MAD1L1: variants seen among roughly 807,000 people sequenced by gnomAD.
The protein encoded by MAD1L1 is mitotic spindle assembly checkpoint protein MAD1.
MAD1L1 carries 95 observed loss-of-function variants against 96.9 expected under a neutral mutation model. The ratio of observed to expected loss-of-function variants is 0.98; its 90% CI spans 0.83 to 1.16. MAD1L1 has a LOEUF of 1.16. MAD1L1 is among the 50% of genes most tolerant of loss of function. The pLI is 0.00. For missense variants in MAD1L1, 1,007 were observed against 954.4 expected, an observed-to-expected ratio of 1.06 and a Z score of -0.73; for synonymous variants, 473 against 396.6, an observed-to-expected ratio of 1.19 and a Z score of -2.29.
intron 18 of MAD1L1, among the ~76,000 whole-genome samples, chr7:1,862,981 CAT>C (rs1784602566): frequency 6.6e-6 from 1 of 152,242 alleles, no homozygotes; most frequent in Non-Finnish European, 1.5e-5. Context: ...ACAAGTCCCA[CAT>C]GTGTTGGGGA....
At position 2,045,995 on chromosome 7, in the gene MAD1L1, C is replaced by T. The variant is rs192197624; in HGVS notation, c.1218+23199G>A. Among the ~76,000 whole-genome samples, 18 of 152,282 alleles carry T rather than the reference C, an allele frequency of 1.2e-4. No individual in the cohort carries two copies. In the East Asian group the frequency reaches 2.3e-3, roughly 20 times the overall value. On this transcript the variant is annotated intron_variant, in intron 12 of 18. Transcript: ENST00000265854. ...CCTGAGGGCCTGCCCATGACAGAGG[C>T]GGCAGTGGAGGCCCTGTAAGGGAAG...
chr7:1,878,679 A>C lies in MAD1L1; in HGVS notation c.1998+19521T>G, dbSNP rs978490507. ...AAAACTCATATTTAACAGCATACTA[A>C]TGTCAAAATACTGGATGCTTTCTCG... is the stretch of plus-strand genomic sequence containing the variant. On this transcript the variant is annotated intron_variant, in intron 18 of 18. Transcript: ENST00000265854. Among the ~76,000 whole-genome samples, 11 of 152,002 alleles carry C rather than the reference A, an allele frequency of 7.2e-5. No homozygotes were observed. The South Asian group carries it at 2.3e-3, about 32-fold the overall frequency.
chr7:1,962,536 T>A (rs566703771), intron 15 of MAD1L1, among the ~76,000 whole-genome samples: 1 of 152,048 alleles, frequency 6.6e-6, no homozygotes, highest in Non-Finnish European at 1.5e-5. Context: ...TGGGAGAAAA[T>A]ATTTGGAAAG....
intron 18 of MAD1L1, among the ~76,000 whole-genome samples, chr7:1,831,143 T>C (rs1394428201): frequency 1.3e-5 from 2 of 152,270 alleles, no homozygotes; most frequent in Non-Finnish European, 2.9e-5. Flanking sequence ...CTGCATTTTT[T>C]ACAAGTTTAA....
chr7:2,125,092 CCTG>C lies in MAD1L1; in HGVS notation c.1073+24057_1073+24059del, dbSNP rs1246291120. ...GTCCTCACAGCGACCCCAGGAAGTC[CCTG>C]CTGTCAGGGCTGCACTTTACAGACA... On this transcript the variant is annotated intron_variant, in intron 11 of 18. Transcript: ENST00000265854. Among the ~76,000 whole-genome samples, 6 of 152,324 alleles carry C rather than the reference CCTG, an allele frequency of 3.9e-5. 1 individual carries two copies. In the East Asian group the frequency reaches 1.2e-3, roughly 29 times the overall value.
intron 18 of MAD1L1, among the ~76,000 whole-genome samples, chr7:1,826,431 G>A (rs1489572088): frequency 2.6e-5 from 4 of 152,136 alleles, no homozygotes; most frequent in Admixed American, 1.3e-4. Flanking sequence ...GGATGCCCAT[G>A]GCCGGCCCAG....
intron 10 of MAD1L1, among the ~76,000 whole-genome samples, chr7:2,205,597 C>T (rs1792558076): frequency 6.6e-6 from 1 of 152,190 alleles, no homozygotes; most frequent in South Asian, 2.1e-4. Flanking sequence ...GCCCTCGCCT[C>T]CTAATTCTCA....
chr7:1,883,858 G>C (rs1047060743), intron 18 of MAD1L1, among the ~76,000 whole-genome samples: 1 of 152,198 alleles, frequency 6.6e-6, no homozygotes, highest in African/African-American at 2.4e-5. Flanking sequence ...ACCGGAGCAG[G>C]AGCCTCGAGC....
intron 4 of MAD1L1, 140 bp downstream of exon 4, chr7:2,225,270 T>TTC: frequency 9.6e-6 from 2 of 207,722 alleles, no homozygotes; most frequent in Non-Finnish European, 1.6e-5. Flanking sequence ...ATCTGATTTC[T>TTC]TAAGACCTGG....
At chr7:2,084,613 C>T (rs1474029380) in intron 11 of MAD1L1, among the ~76,000 whole-genome samples, 1 of 152,220 alleles carries the variant, frequency 6.6e-6, no homozygotes, top group Non-Finnish European at 1.5e-5. Context: ...ACGGTGGCGG[C>T]CACTGCAGCC....
At chr7:2,053,795 T>C (rs1472417023) in intron 12 of MAD1L1, among the ~76,000 whole-genome samples, 3 of 152,184 alleles carry the variant, frequency 2.0e-5, no homozygotes, top group Admixed American at 2.0e-4. Context: ...CAAGTGTGAT[T>C]TGCCACCATT....
chr7:2,079,684 G>A (rs1486329959), intron 11 of MAD1L1: 1 of 471,022 alleles, frequency 2.1e-6, no homozygotes, highest in Admixed American at 2.3e-5. Flanking sequence ...CAGTTTAGCT[G>A]ATCAGCTACC....
intron 13 of MAD1L1, among the ~76,000 whole-genome samples, chr7:2,009,480 C>T (rs575307100): frequency 9.9e-5 from 15 of 152,242 alleles, no homozygotes; most frequent in Non-Finnish European, 2.1e-4. Flanking sequence ...GGCCAGGTCT[C>T]CAAGTGGCTT....
intron 13 of MAD1L1, among the ~76,000 whole-genome samples, chr7:2,010,323 T>C (rs1782238956): frequency 6.6e-6 from 1 of 152,120 alleles, no homozygotes; most frequent in African/African-American, 2.4e-5. Context: ...GGAAACACCG[T>C]GACGGCCACT....
At chr7:2,073,771 G>A (rs1785248059) in intron 11 of MAD1L1, among the ~76,000 whole-genome samples, 1 of 152,242 alleles carries the variant, frequency 6.6e-6, no homozygotes, top group South Asian at 2.1e-4. Context: ...GCCAGGTTGT[G>A]AAGCAAACCT....
chr7:1,924,799 T>C (rs1037718950), intron 17 of MAD1L1, among the ~76,000 whole-genome samples: 2 of 152,150 alleles, frequency 1.3e-5, no homozygotes, highest in African/African-American at 2.4e-5. Flanking sequence ...AGTAAGTACA[T>C]AGGACTACTA....
At chr7:1,842,888 G>A (rs967424149) in intron 18 of MAD1L1, among the ~76,000 whole-genome samples, 1 of 152,266 alleles carries the variant, frequency 6.6e-6, no homozygotes, top group East Asian at 1.9e-4. Context: ...CTTGCGGCTG[G>A]TTCCCGGATG....
chr7:2,118,959 C>T (rs796591629), intron 11 of MAD1L1, among the ~76,000 whole-genome samples: 15 of 152,244 alleles, frequency 9.9e-5, no homozygotes, highest in East Asian at 3.9e-4. Context: ...GGAGCTGAGA[C>T]GTCCTCCATC....
intron 17 of MAD1L1, among the ~76,000 whole-genome samples, chr7:1,920,501 C>T (rs773167687): frequency 5.9e-5 from 9 of 152,154 alleles, no homozygotes; most frequent in South Asian, 2.1e-4. Context: ...CTCTCACCCA[C>T]GGGAGCGGGG....
Sources: gnomAD v4.1 joint callset for allele counts (sites outside exome capture counted in the v4.1 genomes callset) on GRCh38, gnomAD v4.1.1 for gene constraint, MANE v1.5 for transcripts, NCBI Gene and HGNC (gene_info 2026-07-23, HGNC 2026-07-21) for gene names.